Variants in DMD observed in about 807,000 individuals in gnomAD.
DMD encodes the protein dystrophin.
A neutral mutation model predicts 330.1 loss-of-function variants in DMD; 63 were observed. The observed-to-expected ratio is 0.19, with a 90% confidence interval of 0.16 to 0.24. DMD has a LOEUF of 0.24. Among genes scored for constraint, DMD ranks in the 10% least tolerant of loss-of-function variants. The pLI is 1.00. For synonymous variants in DMD, 1,223 were observed against 959.8 expected (o/e 1.27, Z -5.07); for missense variants, 3,344 against 2,684.1 (o/e 1.25, Z -5.43).
At chrX:31,888,247 G>C (rs1184994109) in intron 47 of DMD, among the ~76,000 whole-genome samples, 2 of 111,480 alleles carry the variant, frequency 1.8e-5, no homozygotes, top group African/African-American at 6.5e-5. Context: ...ATTAATTGCA[G>C]GACTAGTGGT....
chrX:32,869,062 T>C (rs2082744929), intron 2 of DMD, among the ~76,000 whole-genome samples: 1 of 111,571 alleles, frequency 9.0e-6, no homozygotes, highest in Non-Finnish European at 1.9e-5. Context: ...GGCAGCCATC[T>C]TTGCTGTTCT....
At chrX:31,321,607 A>AAAAAAAAAAAAAAGAAAG (rs1388525572) in intron 62 of DMD, among the ~76,000 whole-genome samples, 45 of 89,203 alleles carry the variant, frequency 5.0e-4, no homozygotes, top group Non-Finnish European at 7.4e-4. Context: ...AAAAAAAAAA[A>AAAAAAAAAAAAAAGAAAG]AAAGAAAGAA....
intron 59 of DMD, among the ~76,000 whole-genome samples, chrX:31,471,964 T>C (rs974294803): frequency 8.9e-6 from 1 of 112,290 alleles, no homozygotes. Flanking sequence ...AAAACCCTGG[T>C]TACTCCAAAT....
At chrX:32,922,980 T>G (rs1190172720) in intron 2 of DMD, among the ~76,000 whole-genome samples, 2 of 112,094 alleles carry the variant, frequency 1.8e-5, no homozygotes, top group Non-Finnish European at 3.8e-5. Context: ...TATAACATAA[T>G]CTACATAAAT....
chrX:33,020,383 C>A lies in DMD; in HGVS notation c.32-183G>T, dbSNP rs182794766. 6.0e-3 allele frequency among the ~76,000 whole-genome samples: 667 copies of A among 112,086 alleles called. 8 individuals are homozygous for A. The highest frequency in any genetic ancestry group is 0.02 in the African/African-American group (630 of 30,886). ...TGGGGCATCCAAATTAAAATTACTT[C>A]TGAAAAATGGCCAGGCGCGGTGGCT... On this transcript the variant is annotated intron_variant, in intron 1 of 78. Transcript: ENST00000357033.
At chrX:31,367,985 G>C (rs1468320016) in intron 60 of DMD, among the ~76,000 whole-genome samples, 2 of 112,075 alleles carry the variant, frequency 1.8e-5, no homozygotes, top group Non-Finnish European at 3.8e-5. Flanking sequence ...AATATGTCTG[G>C]TGCTTGCATC....
intron 55 of DMD, among the ~76,000 whole-genome samples, chrX:31,511,311 TTTTTA>T (rs2071535533): frequency 1.2e-5 from 1 of 85,554 alleles, no homozygotes; most frequent in Non-Finnish European, 2.3e-5. Flanking sequence ...AACTCATCAT[TTTTTA>T]TTTATTTATT....
intron 2 of DMD, among the ~76,000 whole-genome samples, chrX:32,878,055 A>G (rs2083515798): frequency 8.9e-6 from 1 of 112,432 alleles, no homozygotes; most frequent in African/African-American, 3.2e-5. Context: ...AATTACAGTA[A>G]TAAAGGCATC....
chrX:32,343,910 T>C lies in DMD; in HGVS notation c.5587-624A>G, dbSNP rs150547145. Among the ~76,000 whole-genome samples, 442 of 112,304 alleles carry C rather than the reference T, an allele frequency of 3.9e-3. 14 individuals carry two copies. In the East Asian group the frequency reaches 0.1, roughly 26 times the overall value. On this transcript the variant is annotated intron_variant, in intron 39 of 78. Transcript: ENST00000357033. ...GGTGAACATAACTAATAAAAAATTA[T>C]GTGAGATAAATGCTTCTCCTTCCAA...
At chrX:32,984,938 A>G (rs1290815398) in intron 2 of DMD, among the ~76,000 whole-genome samples, 1 of 111,861 alleles carries the variant, frequency 8.9e-6, no homozygotes, top group Non-Finnish European at 1.9e-5. Flanking sequence ...GTCTTCCACT[A>G]GAAATATTAG....
intron 17 of DMD, among the ~76,000 whole-genome samples, chrX:32,531,322 T>C (rs1277455685): frequency 9.0e-6 from 1 of 111,569 alleles, no homozygotes; most frequent in Non-Finnish European, 1.9e-5. Flanking sequence ...TAAAATTTTC[T>C]GGATTATGTA....
intron 44 of DMD, among the ~76,000 whole-genome samples, chrX:32,216,246 A>T (rs1223507485): frequency 4.5e-5 from 5 of 112,026 alleles, no homozygotes; most frequent in African/African-American, 1.6e-4. Context: ...TAAACTATGT[A>T]ATTTAGCAAC....
At chrX:31,137,556 T>C (rs2035409379) in intron 76 of DMD, among the ~76,000 whole-genome samples, 1 of 110,848 alleles carries the variant, frequency 9.0e-6, no homozygotes, top group Non-Finnish European at 1.9e-5. Context: ...GATTCATTTA[T>C]TTATTCAAAT....
intron 6 of DMD, among the ~76,000 whole-genome samples, chrX:32,813,152 A>G (rs755840399): frequency 8.9e-6 from 1 of 112,119 alleles, no homozygotes; most frequent in East Asian, 2.8e-4. Context: ...TCATTCAAAA[A>G]GCATTGAACC....
chrX:32,893,048 A>T (rs1056098540), intron 2 of DMD, among the ~76,000 whole-genome samples: 1 of 112,384 alleles, frequency 8.9e-6, no homozygotes, highest in African/African-American at 3.2e-5. Context: ...GAGAGTAGTT[A>T]ATTCATGAGA....
chrX:33,038,220 C>T (rs1378128542), intron 1 of DMD, among the ~76,000 whole-genome samples: 1 of 111,655 alleles, frequency 9.0e-6, no homozygotes, highest in Non-Finnish European at 1.9e-5. Flanking sequence ...ATTTTATTTT[C>T]TTGGTTACTT....
intron 1 of DMD, among the ~76,000 whole-genome samples, chrX:33,067,750 C>A (rs1345337010): frequency 9.0e-6 from 1 of 111,311 alleles, no homozygotes; most frequent in African/African-American, 3.3e-5. Flanking sequence ...GAAGCTGAGG[C>A]AAGAGAATCG....
chrX:32,470,562 T>A (rs1397476560), intron 22 of DMD, among the ~76,000 whole-genome samples: 1 of 111,387 alleles, frequency 9.0e-6, no homozygotes, highest in South Asian at 3.7e-4. Context: ...TAACTGCCTT[T>A]TCTTGTGTTT....
chrX:32,773,492 C>T (rs1251758861), intron 7 of DMD, among the ~76,000 whole-genome samples: 3 of 104,834 alleles, frequency 2.9e-5, no homozygotes, highest in Non-Finnish European at 3.9e-5. Context: ...GATCTGATTC[C>T]TTCTATCTAA....
Sources: allele counts gnomAD v4.1 joint callset (sites outside exome capture counted in the v4.1 genomes callset), GRCh38; gene constraint gnomAD v4.1.1; transcripts MANE v1.5; gene names NCBI Gene and HGNC (gene_info 2026-07-23, HGNC 2026-07-21).